The following RYR3 variants were observed in gnomAD, a reference collection of about 807,000 sequenced individuals.
RYR3 encodes the protein brain ryanodine receptor-calcium release channel.
In RYR3, 207 loss-of-function variants were observed where a neutral mutation model predicts 584.3. The observed-to-expected ratio is 0.35, with a 90% CI of 0.32 to 0.40. The LOEUF is 0.40. Ranked by LOEUF, RYR3 falls within the 10% of genes least tolerant of loss-of-function variation. The probability of loss-of-function intolerance (pLI) is 1.00; values close to 1 mark genes in which losing one functional copy is unlikely to be tolerated. For missense variants in RYR3, 5,616 were observed against 6,089.2 expected (o/e 0.92, Z 2.59); for synonymous variants, 2,416 against 2,248.5 (o/e 1.07, Z -2.11).
At chr15:33,385,710 C>T (rs56128129) in intron 1 of RYR3, among the ~76,000 whole-genome samples, 81 of 131,322 alleles carry the variant, frequency 6.2e-4, no homozygotes, top group South Asian at 1.2e-3. Flanking sequence ...TTTTTCTTTT[C>T]TTTTTTTTTT....
intron 3 of RYR3, among the ~76,000 whole-genome samples, chr15:33,506,619 G>A (rs1364672838): frequency 6.6e-6 from 1 of 152,110 alleles, no homozygotes; most frequent in East Asian, 1.9e-4. Context: ...CAGATGGGAA[G>A]GTACTTTTTT....
At chr15:33,451,296 C>G (rs1422817530) in intron 1 of RYR3, among the ~76,000 whole-genome samples, 1 of 152,166 alleles carries the variant, frequency 6.6e-6, no homozygotes, top group African/African-American at 2.4e-5. Flanking sequence ...CTGTTCTGCT[C>G]CTTTCTCTCT....
chr15:33,549,733 C>T (rs1192281656), intron 9 of RYR3, among the ~76,000 whole-genome samples: 3 of 152,176 alleles, frequency 2.0e-5, no homozygotes, highest in East Asian at 3.8e-4. Flanking sequence ...GGTATTTTTA[C>T]TATTTCCCTT....
At chr15:33,626,618 G>A (rs2061003334) in intron 20 of RYR3, among the ~76,000 whole-genome samples, 1 of 152,178 alleles carries the variant, frequency 6.6e-6, no homozygotes, top group South Asian at 2.1e-4. Flanking sequence ...GCCCCTCCCA[G>A]AGGCCTAGAA....
At chr15:33,409,459 T>C (rs1333527737) in intron 1 of RYR3, among the ~76,000 whole-genome samples, 2 of 152,144 alleles carry the variant, frequency 1.3e-5, no homozygotes, top group Admixed American at 6.5e-5. Context: ...TCTGGCTGTC[T>C]TGGGCTCCCC....
At chr15:33,651,514 G>A (rs1199965355) in intron 31 of RYR3, among the ~76,000 whole-genome samples, 8 of 152,218 alleles carry the variant, frequency 5.3e-5, no homozygotes, top group African/African-American at 1.9e-4. Context: ...TTACAAAGGG[G>A]GAAAGTGATA....
intron 1 of RYR3, among the ~76,000 whole-genome samples, chr15:33,440,893 A>G (rs1048486815): frequency 6.6e-6 from 1 of 151,896 alleles, no homozygotes; most frequent in Non-Finnish European, 1.5e-5. Context: ...AAGGAAAAGA[A>G]TGGTCAGACA....
chr15:33,693,241 T>C (rs1455373204), intron 38 of RYR3, among the ~76,000 whole-genome samples: 1 of 152,222 alleles, frequency 6.6e-6, no homozygotes, highest in African/African-American at 2.4e-5. Flanking sequence ...GTCGCCTCTG[T>C]GATGCTGCAT....
chr15:33,819,855 T>C, intron 77 of RYR3, 48 bp downstream of exon 77: 1 of 1,422,870 alleles, frequency 7.0e-7, no homozygotes, highest in Non-Finnish European at 9.7e-7. Flanking sequence ...TGTCTTCCCT[T>C]AGATTTCTTT....
intron 27 of RYR3, among the ~76,000 whole-genome samples, chr15:33,638,172 C>G (rs541834306): frequency 7.2e-5 from 11 of 152,186 alleles, no homozygotes; most frequent in African/African-American, 1.2e-4. Context: ...AGAAATAACT[C>G]TGTTTTTGCA....
At chr15:33,671,004 TG>T (rs997503370) in intron 38 of RYR3, among the ~76,000 whole-genome samples, 3 of 152,066 alleles carry the variant, frequency 2.0e-5, no homozygotes, top group Non-Finnish European at 4.4e-5. Flanking sequence ...GATATGAGTT[TG>T]GGGGGGTTGT....
chr15:33,730,364 CAT>C (rs2068845147), intron 47 of RYR3, among the ~76,000 whole-genome samples: 1 of 152,210 alleles, frequency 6.6e-6, no homozygotes, highest in Non-Finnish European at 1.5e-5. Context: ...TTCATTAACA[CAT>C]AGACATTCAT....
At chr15:33,318,158 C>T (rs1350792594) in intron 1 of RYR3, among the ~76,000 whole-genome samples, 1 of 152,224 alleles carries the variant, frequency 6.6e-6, no homozygotes, top group African/African-American at 2.4e-5. Context: ...GACAGAGCTG[C>T]TGCTGCCTGT....
In RYR3 at chr15:33,584,426, C is replaced by A. The variant is rs780290440; in HGVS notation, c.1605C>A (p.Cys535Ter). Reference sequence around the variant, plus strand: ...TCATTCGCGGAAACAGAAACAATTGCGCTCAATTCTCCAATAACCTTGATT... The same window carrying A: ...TCATTCGCGGAAACAGAAACAATTGAGCTCAATTCTCCAATAACCTTGATT... ...AALIRGNRNN[C>*]AQFSNNLDWL... is the part of the protein sequence containing the mutation. Residue 535 changes from cysteine to a stop codon, truncating the protein, a stop_gained, in exon 15 of 104, where the codon TGC becomes TGA. Transcript: ENST00000634891. LOFTEE classifies it high-confidence loss of function. 2 of 1,607,876 alleles carry A rather than the reference C, an allele frequency of 1.2e-6. No individual in the cohort carries two copies. The highest frequency in any genetic ancestry group is 8.5e-7 in the Non-Finnish European group (1 of 1,175,394).
chr15:33,820,676 G>C, intron 77 of RYR3, 80 bp from the exon 78 acceptor site: 2 of 1,251,710 alleles, frequency 1.6e-6, no homozygotes, highest in South Asian at 1.3e-5. Context: ...CCTGTCCCCT[G>C]CCCTTGTAGA....
intron 16 of RYR3, among the ~76,000 whole-genome samples, chr15:33,594,487 A>C (rs2059279711): frequency 6.6e-6 from 1 of 152,198 alleles, no homozygotes. Context: ...AAACAAAACA[A>C]AGTATCAGCA....
In RYR3 at chr15:33,581,578, G is replaced by C. The variant is rs772263314; in HGVS notation, c.1508G>C (p.Gly503Ala). Residue 503 changes from glycine (G) to alanine (A), a missense_variant, in exon 14 of 104, where the codon GGG (glycine) becomes GCG (alanine). By Grantham distance (60) the Gly-to-Ala change is moderately conservative. This residue lies in a region of RYR3 where 1,284 missense variants were observed against 1,344.6 expected (regional missense o/e 0.95). Coordinates refer to ENST00000634891, the MANE Select transcript of RYR3 (RefSeq NM_001036.6). ...NVYNSVAHFA[G>A]IAREESGMAW... ...TACAATAGCGTAGCACACTTTGCAG[G>C]GATTGCAAGGGAAGAGAGTGGCATG... The C allele has an allele frequency of 1.9e-6, 3 of 1,612,982 alleles. No homozygotes were observed. The highest frequency in any genetic ancestry group is 2.5e-6 in the Non-Finnish European group (3 of 1,179,106).
chr15:33,475,934 CA>C (rs1199938943), intron 2 of RYR3, among the ~76,000 whole-genome samples: 5 of 152,066 alleles, frequency 3.3e-5, no homozygotes, highest in African/African-American at 7.2e-5. Flanking sequence ...AATTACCTTT[CA>C]GGGGGACTGT....
intron 1 of RYR3, among the ~76,000 whole-genome samples, chr15:33,402,526 C>A (rs988719228): frequency 1.3e-5 from 2 of 152,182 alleles, no homozygotes; most frequent in African/African-American, 4.8e-5. Flanking sequence ...GATAAATATT[C>A]TTTATTCATC....
Sources: allele counts gnomAD v4.1 joint callset (sites outside exome capture counted in the v4.1 genomes callset), GRCh38; gene constraint gnomAD v4.1.1; regional missense constraint gnomAD v4.1.1; transcripts MANE v1.5; gene names NCBI Gene and HGNC (gene_info 2026-07-23, HGNC 2026-07-21).